The following NECTIN1 variants were observed in gnomAD, a reference collection of about 807,000 sequenced individuals.
NECTIN1 encodes nectin cell adhesion molecule 1, also known as nectin-1.
A neutral mutation model predicts 48.0 loss-of-function variants in NECTIN1; 23 were observed. The observed-to-expected ratio is 0.48, with a 90% CI of 0.34 to 0.68. The LOEUF (loss-of-function observed/expected upper bound fraction) is 0.68, where lower values mean the gene tolerates loss of function less well. Ranked by LOEUF, NECTIN1 falls within the 30% of genes least tolerant of loss-of-function variation. NECTIN1 has a pLI of 0.01. For synonymous variants in NECTIN1, 270 were observed against 288.9 expected, an observed-to-expected ratio of 0.93 and a Z score of 0.66; for missense variants, 591 against 709.9, an observed-to-expected ratio of 0.83 and a Z score of 1.90.
At chr11:119,649,459 G>A (rs1022190032) in intron 5 of NECTIN1, among the ~76,000 whole-genome samples, 2 of 151,802 alleles carry the variant, frequency 1.3e-5, no homozygotes, top group African/African-American at 4.8e-5. Flanking sequence ...AGGTCAAGGC[G>A]GGTGGATTGC....
rs1163009891 is a variant in NECTIN1 at position 119,683,990 on chromosome 11, A to G, written c.80-5225T>C. ...CTGAGCTCAGCAACAAAACACAAAG[A>G]CTCCTCAGTTGTGGCGGACAAACCT... On this transcript the variant is annotated intron_variant, in intron 1 of 5. Coordinates refer to ENST00000264025, the MANE Select transcript of NECTIN1 (RefSeq NM_002855.5). This position sits in a 1 kb window ranked among gnomAD's most constrained non-coding sequence, Gnocchi z 4.0. 2.6e-5 allele frequency among the ~76,000 whole-genome samples: 4 copies of G among 151,124 alleles called. No homozygotes were observed. The highest frequency in any genetic ancestry group is 9.7e-5 in the African/African-American group (4 of 41,090).
chr11:119,654,483 C>T (rs954332614), intron 5 of NECTIN1, among the ~76,000 whole-genome samples: 1 of 152,132 alleles, frequency 6.6e-6, no homozygotes, highest in Non-Finnish European at 1.5e-5. Flanking sequence ...CTGGTCAGAC[C>T]AGTTCCAGGG....
intron 5 of NECTIN1, among the ~76,000 whole-genome samples, chr11:119,670,237 GGT>G (rs1398506565): frequency 6.6e-6 from 1 of 152,190 alleles, no homozygotes; most frequent in East Asian, 1.9e-4. Flanking sequence ...TGGGATTACA[GGT>G]GTGAGCCACC....
rs1373673231 is a variant in NECTIN1, at chr11:119,664,759, C to T, written c.1542G>A (p.Glu514=). The T allele has an allele frequency of 1.2e-6, 2 of 1,611,344 alleles. No individual in the cohort carries two copies. The highest frequency in any genetic ancestry group is 1.7e-6 in the Non-Finnish European group (2 of 1,178,618). Reference sequence around the variant, plus strand: ...TCTGGAAGGGGGGCTACACGTACCACTCCTTCTTGGAAATGAAAGACCCGT... The same window carrying T: ...TCTGGAAGGGGGGCTACACGTACCATTCCTTCTTGGAAATGAAAGACCCGT... ...QNDGSFISKK[E]WYV Residue 514 remains glutamate (E), a synonymous_variant, in exon 6 of 6, where the codon GAG becomes GAA. Coordinates refer to ENST00000264025, the MANE Select transcript of NECTIN1 (RefSeq NM_002855.5).
intron 1 of NECTIN1, among the ~76,000 whole-genome samples, chr11:119,726,166 A>C (rs1865904299): frequency 6.6e-6 from 1 of 152,158 alleles, no homozygotes; most frequent in Non-Finnish European, 1.5e-5. Context: ...GTTCCCTGTC[A>C]CAGCCCAGGA....
chr11:119,680,887 G>C (rs1215692679), intron 1 of NECTIN1, among the ~76,000 whole-genome samples: 2 of 152,242 alleles, frequency 1.3e-5, no homozygotes, highest in East Asian at 1.9e-4. Context: ...GATGGGAGAA[G>C]TATCCAGCCA....
In NECTIN1 at chr11:119,678,152, C is replaced by T. The variant is rs1864993469; in HGVS notation, c.430+263G>A. Among the ~76,000 whole-genome samples the T allele has an allele frequency of 6.6e-6, 1 of 152,246 alleles. No individual in the cohort carries two copies. Among genetic ancestry groups the T allele is most frequent in the South Asian group, 2.1e-4 (1 of 4,838 alleles). The stretch of plus-strand genomic sequence containing the variant: ...GTGGCTCCTTTCCTTACCGTGGTGT[C>T]TGATGCTGCTGCCAGCACAGTGCCT... On this transcript the variant is annotated intron_variant, in intron 2 of 5. Transcript: ENST00000264025. The surrounding 1 kb of genome is among the most constrained non-coding windows in gnomAD (Gnocchi z 4.4).
Position 119,672,216 on chromosome 11 carries a change from C to T in NECTIN1, c.1003+2943G>A, listed in dbSNP as rs139168858. On this transcript the variant is annotated intron_variant, in intron 5 of 5. Coordinates refer to ENST00000264025, the MANE Select transcript of NECTIN1 (RefSeq NM_002855.5). This position sits in a 1 kb window ranked among gnomAD's most constrained non-coding sequence, Gnocchi z 4.3. ...CCTACACCCTGGCAGCCTCCCTGTCCTGCTCTTGGGAGTGGCGAGAGGCTG... is the reference window on the plus strand; with the variant it reads ...CCTACACCCTGGCAGCCTCCCTGTCTTGCTCTTGGGAGTGGCGAGAGGCTG... Among the ~76,000 whole-genome samples, 1 of 152,342 alleles carries T rather than the reference C, an allele frequency of 6.6e-6. No individual in the cohort carries two copies. Among genetic ancestry groups the T allele is most frequent in the Non-Finnish European group, 1.5e-5 (1 of 68,026 alleles).
chr11:119,638,168 T>C, exon 8 of NECTIN1: 1 of 1,613,836 alleles, frequency 6.2e-7, no homozygotes, highest in Non-Finnish European at 8.5e-7. Flanking sequence ...CCCCAGATCA[T>C]AGTAGGGGGG....
Position 119,663,773 on chromosome 11 carries a change from A to G in NECTIN1, c.*974T>C. On this transcript the variant is annotated 3_prime_UTR_variant, in exon 6 of 6. Coordinates refer to ENST00000264025, the MANE Select transcript of NECTIN1 (RefSeq NM_002855.5). The stretch of plus-strand genomic sequence containing the variant: ...CAGTTTGGGGCAGGCCTGAGATCCT[A>G]GGGTGGAGGCACCGGGGACCCAGTC... The G allele has an allele frequency of 1.0e-6, 1 of 985,452 alleles. No individual in the cohort carries two copies. Among genetic ancestry groups the G allele is most frequent in the South Asian group, 4.7e-5 (1 of 21,282 alleles). 61.0% of individuals were successfully genotyped at this position (985,452 alleles called of 1,614,324 possible).
intron 5 of NECTIN1, among the ~76,000 whole-genome samples, chr11:119,653,311 C>T: frequency 6.6e-6 from 1 of 152,244 alleles, no homozygotes; most frequent in East Asian, 1.9e-4. Flanking sequence ...CCTCTCGCTT[C>T]CTATGTCAGG....
chr11:119,657,240 T>C (rs938118262), downstream of NECTIN1, among the ~76,000 whole-genome samples: 1 of 152,172 alleles, frequency 6.6e-6, no homozygotes, highest in African/African-American at 2.4e-5. Context: ...AAGACCCACC[T>C]CTTCCTCATG....
chr11:119,696,008 CCTT>C lies in NECTIN1; in HGVS notation c.80-17246_80-17244del, dbSNP rs553578057. On this transcript the variant is annotated intron_variant, in intron 1 of 5. Transcript: ENST00000264025. Reference sequence around the variant, plus strand: ...CCAAAAAGAATCCAAGTCTCTTGACCCTTCTTCTACACTCTTGGTGCCAAAGGG... The same window carrying C: ...CCAAAAAGAATCCAAGTCTCTTGACCCTTCTACACTCTTGGTGCCAAAGGG... 9.2e-5 allele frequency among the ~76,000 whole-genome samples: 14 copies of C among 152,278 alleles called. 1 individual carries two copies. In the South Asian group the frequency reaches 1.7e-3, roughly 18 times the overall value.
intron 5 of NECTIN1, among the ~76,000 whole-genome samples, chr11:119,670,562 G>A (rs925644248): frequency 2.0e-5 from 3 of 151,944 alleles, no homozygotes; most frequent in Non-Finnish European, 4.4e-5. Context: ...GTGACAGGAG[G>A]AGTGGTGTGG....
intron 5 of NECTIN1, among the ~76,000 whole-genome samples, chr11:119,646,967 G>T (rs1259621707): frequency 6.6e-6 from 1 of 152,174 alleles, no homozygotes; most frequent in African/African-American, 2.4e-5. Flanking sequence ...TGAGGGCAGG[G>T]ACATGCCTGC....
At chr11:119,679,490 C>T (rs1272217158) in intron 1 of NECTIN1, among the ~76,000 whole-genome samples, 3 of 152,262 alleles carry the variant, frequency 2.0e-5, no homozygotes, top group Middle Eastern at 3.4e-3. Flanking sequence ...GCCAGGCCTC[C>T]GCTGGCTCCC....
intron 1 of NECTIN1, among the ~76,000 whole-genome samples, chr11:119,711,915 A>G (rs1865655275): frequency 6.6e-6 from 1 of 152,170 alleles, no homozygotes. Context: ...CTGCACAGGA[A>G]TGGCTGGATG....
intron 1 of NECTIN1, among the ~76,000 whole-genome samples, chr11:119,702,864 C>G (rs567456526): frequency 6.6e-6 from 1 of 152,294 alleles, no homozygotes. Context: ...AGGGTCTCTT[C>G]CTCTTTTTTT....
intron 5 of NECTIN1, among the ~76,000 whole-genome samples, chr11:119,670,035 T>C (rs1864841551): frequency 6.6e-6 from 1 of 151,666 alleles, no homozygotes. Context: ...TCTTGGCTCA[T>C]GCAACCTCCG....
Sources: allele counts gnomAD v4.1 joint callset (sites outside exome capture counted in the v4.1 genomes callset), GRCh38; gene constraint gnomAD v4.1.1; non-coding constraint Gnocchi (gnomAD v3.1); transcripts MANE v1.5; gene names NCBI Gene and HGNC (gene_info 2026-07-23, HGNC 2026-07-21).